The following TENM3 variants were observed in gnomAD, a reference collection of about 807,000 sequenced individuals.
TENM3 encodes teneurin transmembrane protein 3.
A neutral mutation model predicts 255.1 loss-of-function variants in TENM3; 63 were observed. The ratio of observed to expected loss-of-function variants is 0.25; its 90% CI spans 0.20 to 0.30. The LOEUF (loss-of-function observed/expected upper bound fraction) is 0.30, where lower values mean the gene tolerates loss of function less well. TENM3 is among the 10% of genes least tolerant of loss of function. The pLI, the probability that TENM3 is intolerant of heterozygous loss-of-function variation, is 1.00. For missense variants in TENM3, 2,929 were observed against 3,461.1 expected, an observed-to-expected ratio of 0.85 and a Z score of 3.86; for synonymous variants, 1,306 against 1,322.3, an observed-to-expected ratio of 0.99 and a Z score of 0.27.
chr4:182,495,209 C>T (rs987621063), intron 3 of TENM3, among the ~76,000 whole-genome samples: 4 of 152,276 alleles, frequency 2.6e-5, no homozygotes, highest in East Asian at 1.9e-4. Flanking sequence ...CTTTCTGATG[C>T]GAATATTCAG....
At chr4:181,556,697 A>T in the TENM3 span, among the ~76,000 whole-genome samples, 1 of 152,028 alleles carries the variant, frequency 6.6e-6, no homozygotes, top group East Asian at 1.9e-4. Context: ...ATTATTATGA[A>T]TTTTTCATCC....
chr4:182,088,232 G>A, the TENM3 span, among the ~76,000 whole-genome samples: 105 of 152,240 alleles, frequency 6.9e-4, 1 homozygote, highest in South Asian at 3.5e-3. Flanking sequence ...TTTTCATTAT[G>A]AGTACGAAAA....
the TENM3 span, among the ~76,000 whole-genome samples, chr4:182,086,461 T>C: frequency 5.9e-5 from 9 of 152,244 alleles, no homozygotes; most frequent in Non-Finnish European, 1.0e-4. Context: ...TCTGCTCTCA[T>C]GTGCAGACAC....
intron 3 of TENM3, among the ~76,000 whole-genome samples, chr4:182,378,386 T>G (rs1458700769): frequency 6.6e-6 from 1 of 152,184 alleles, no homozygotes; most frequent in Non-Finnish European, 1.5e-5. Flanking sequence ...GCACACTGCA[T>G]ACAAAGAATG....
At chr4:182,648,243 G>GT (rs1752927876) in intron 5 of TENM3, among the ~76,000 whole-genome samples, 1 of 151,350 alleles carries the variant, frequency 6.6e-6, no homozygotes, top group Non-Finnish European at 1.5e-5. Context: ...AAAAATGTAT[G>GT]TTATTTTTAG....
At chr4:182,269,199 G>A (rs1230138183) in intron 1 of TENM3, among the ~76,000 whole-genome samples, 2 of 152,136 alleles carry the variant, frequency 1.3e-5, no homozygotes, top group Non-Finnish European at 2.9e-5. Context: ...GTAAATCTAT[G>A]GCAGAGTTTG....
At chr4:181,718,313 C>A in the TENM3 span, among the ~76,000 whole-genome samples, 1 of 152,168 alleles carries the variant, frequency 6.6e-6, no homozygotes, top group Non-Finnish European at 1.5e-5. Context: ...GGATCATACA[C>A]CATGTGTGTA....
At chr4:182,359,475 C>A (rs1765806187) in intron 3 of TENM3, among the ~76,000 whole-genome samples, 1 of 150,718 alleles carries the variant, frequency 6.6e-6, no homozygotes, top group African/African-American at 2.4e-5. Flanking sequence ...GGAATTTATC[C>A]ATTTTTTCTA....
At chr4:181,467,095 G>A in the TENM3 span, among the ~76,000 whole-genome samples, 1,226 of 70,270 alleles carry the variant, frequency 0.017, 54 homozygotes, top group African/African-American at 0.075. Context: ...GTGTGTGTGT[G>A]TGTGTGTGTA....
At chr4:182,655,371 A>T (rs1170515892) in intron 6 of TENM3, among the ~76,000 whole-genome samples, 1 of 152,114 alleles carries the variant, frequency 6.6e-6, no homozygotes. Context: ...ACAACATCTT[A>T]ACCTTTTATT....
chr4:182,539,366 C>T (rs569855094), intron 3 of TENM3, among the ~76,000 whole-genome samples: 4 of 152,020 alleles, frequency 2.6e-5, no homozygotes, highest in Non-Finnish European at 5.9e-5. Context: ...GCAGTGACTT[C>T]TCCGGAGGGA....
intron 2 of TENM3, among the ~76,000 whole-genome samples, chr4:182,332,643 A>C (rs1291057327): frequency 2.6e-5 from 4 of 151,708 alleles, no homozygotes; most frequent in Non-Finnish European, 5.9e-5. Flanking sequence ...GCAGTGAGCC[A>C]AGATCACGCC....
the TENM3 span, among the ~76,000 whole-genome samples, chr4:181,559,626 T>C: frequency 7.9e-4 from 120 of 152,378 alleles, no homozygotes; most frequent in African/African-American, 2.7e-3. Context: ...GCCTGGCATA[T>C]ACTAAGTGTT....
At chr4:181,526,165 A>G in the TENM3 span, among the ~76,000 whole-genome samples, 1 of 152,040 alleles carries the variant, frequency 6.6e-6, no homozygotes, top group Non-Finnish European at 1.5e-5. Flanking sequence ...CGATTGGCCC[A>G]TTTCTCTGGT....
the TENM3 span, among the ~76,000 whole-genome samples, chr4:181,906,670 G>T: frequency 6.6e-6 from 1 of 152,152 alleles, no homozygotes; most frequent in African/African-American, 2.4e-5. Flanking sequence ...GAGGGCTGCA[G>T]ATTGGGAATC....
chr4:182,028,537 G>A, the TENM3 span, among the ~76,000 whole-genome samples: 2 of 152,008 alleles, frequency 1.3e-5, no homozygotes, highest in East Asian at 3.9e-4. Context: ...TGCATCACTG[G>A]GTTGTTTATT....
At chr4:181,588,881 A>T in the TENM3 span, among the ~76,000 whole-genome samples, 2 of 152,182 alleles carry the variant, frequency 1.3e-5, no homozygotes, top group African/African-American at 2.4e-5. Flanking sequence ...AGGGATGGAG[A>T]TGTCAACCCC....
the TENM3 span, among the ~76,000 whole-genome samples, chr4:181,818,411 C>T: frequency 3.9e-5 from 6 of 152,254 alleles, 1 homozygote; most frequent in Admixed American, 3.9e-4. Flanking sequence ...GACATTCCAA[C>T]TTCAAAACTT....
the TENM3 span, among the ~76,000 whole-genome samples, chr4:182,026,134 T>C: frequency 1.4e-4 from 22 of 152,314 alleles, 1 homozygote; most frequent in South Asian, 4.1e-3. Context: ...TTCATCCATG[T>C]CCCTGCAAAG....
Sources: allele counts gnomAD v4.1 joint callset (sites outside exome capture counted in the v4.1 genomes callset), GRCh38; gene constraint gnomAD v4.1.1; transcripts MANE v1.5; gene names NCBI Gene and HGNC (gene_info 2026-07-23, HGNC 2026-07-21).